The following SMC4 variants were observed in gnomAD, a reference collection of about 807,000 sequenced individuals.
SMC4 encodes the protein structural maintenance of chromosomes protein 4.
Under a neutral mutation model 145.6 loss-of-function variants are expected in SMC4, and 87 were observed. The ratio of observed to expected loss-of-function variants is 0.60; its 90% CI spans 0.50 to 0.71. The LOEUF (loss-of-function observed/expected upper bound fraction) is 0.71. Among genes scored for constraint, SMC4 ranks in the 30% least tolerant of loss-of-function variants. The probability of loss-of-function intolerance (pLI) is 0.00; values close to 1 mark genes in which losing one functional copy is unlikely to be tolerated. For synonymous variants in SMC4, 558 were observed against 500.7 expected (o/e 1.11, Z -1.53); for missense variants, 1,447 against 1,537.1 (o/e 0.94, Z 0.98).
rs144117230 is a variant in SMC4, at chr3:160,400,390, C to T, written c.-5-432C>T. 1,062 of 154,164 alleles carry T rather than the reference C, an allele frequency of 6.9e-3. 2 individuals carry two copies. The highest frequency in any genetic ancestry group is 0.012 in the Non-Finnish European group (864 of 69,134). 9.5% of individuals were successfully genotyped at this position (154,164 alleles called of 1,614,324 possible). A position where few individuals can be genotyped will look rare whatever the true frequency, so the allele number is the denominator to read the frequency against. On this transcript the variant is annotated intron_variant, in intron 1 of 23. Coordinates refer to ENST00000357388, the MANE Select transcript of SMC4 (RefSeq NM_001002800.3). ...AGTTGCTAGCCACGGGATCCTGACCCGGACACGAACTCGTTTCTCCACGTC... is the reference window on the plus strand; with the variant it reads ...AGTTGCTAGCCACGGGATCCTGACCTGGACACGAACTCGTTTCTCCACGTC...
chr3:160,412,826 T>A (rs1330051267), intron 7 of SMC4: 5 of 986,034 alleles, frequency 5.1e-6, no homozygotes, highest in Middle Eastern at 5.1e-4. Flanking sequence ...GTTGACTTTT[T>A]AGTATCCTGC....
intron 17 of SMC4, among the ~76,000 whole-genome samples, chr3:160,427,931 ACACACGCACG>A (rs910468382): frequency 1.3e-5 from 2 of 152,004 alleles, no homozygotes; most frequent in African/African-American, 4.8e-5. Context: ...TTTGAAAAAT[ACACACGCACG>A]CACACACACA....
chr3:160,411,174 T>A (rs1218902614), intron 5 of SMC4, among the ~76,000 whole-genome samples: 1 of 152,216 alleles, frequency 6.6e-6, no homozygotes. Flanking sequence ...TAATCTAAGA[T>A]TTTAATTACA....
rs768013803 is a variant in SMC4, at chr3:160,420,870, T to C, written c.1988T>C (p.Ile663Thr). The change falls in exon 13 of 24, where the codon ATT (isoleucine) becomes ACT (threonine). Residue 663 changes from isoleucine to threonine, a missense_variant. By Grantham distance (89) the Ile-to-Thr change is moderately conservative. Coordinates refer to ENST00000357388, the MANE Select transcript of SMC4 (RefSeq NM_001002800.3). ...GTAAACTTCCTTAAAAGACAAAATA[T>C]TGGAGTTGCAACCTTTATAGGTTTA... Reference protein sequence around the residue: ...ECVNFLKRQNIGVATFIGLDK... With the variant: ...ECVNFLKRQNTGVATFIGLDK... 9 of 1,613,130 alleles carry C rather than the reference T, an allele frequency of 5.6e-6. No individual in the cohort carries two copies. The highest frequency in any genetic ancestry group is 2.7e-5 in the African/African-American group (2 of 74,860).
chr3:160,405,605 GTATCATTC>G (rs1380297634), intron 5 of SMC4, among the ~76,000 whole-genome samples: 23 of 152,074 alleles, frequency 1.5e-4, no homozygotes, highest in South Asian at 6.2e-4. Flanking sequence ...AGGTAAATCA[GTATCATTC>G]TAGGATAACC....
chr3:160,419,418 G>C lies in SMC4; in HGVS notation c.1732G>C (p.Asp578His), dbSNP rs944480101. 1.9e-6 allele frequency: 3 copies of C among 1,612,022 alleles called. No individual in the cohort carries two copies. The Admixed American group carries it at 5.0e-5, about 27-fold the overall frequency. Residue 578 changes from aspartate to histidine, a missense_variant, in exon 12 of 24, where the codon GAT (aspartate) becomes CAT (histidine). Coordinates refer to ENST00000357388, the MANE Select transcript of SMC4 (RefSeq NM_001002800.3). The stretch of plus-strand genomic sequence containing the variant: ...AACAAACTTTAAAAGTTTGGTTCAT[G>C]ATCTCTTTCAAAAAGTTGAAGAAGC... Reference protein sequence around the residue: ...EETNFKSLVHDLFQKVEEAKS... With the variant: ...EETNFKSLVHHLFQKVEEAKS...
intron 5 of SMC4, 188 bp downstream of exon 5, chr3:160,404,692 C>T (rs760642448): frequency 1.3e-6 from 1 of 741,690 alleles, no homozygotes; most frequent in Admixed American, 1.7e-5. Context: ...TCATTCAAAA[C>T]TATGTTTTCA....
At position 160,404,440 on chromosome 3, in the gene SMC4, A is replaced by T; in HGVS notation, c.623A>T (p.Asp208Val). ...HISGKKKTFK[D>V]VGNLLRSHGI... ...AGTGGAAAGAAAAAGACATTTAAGGATGTTGGAAATCTTCTTCGAAGCCAT... is the reference window on the plus strand; with the variant it reads ...AGTGGAAAGAAAAAGACATTTAAGGTTGTTGGAAATCTTCTTCGAAGCCAT... The change falls in exon 5 of 24, where the codon GAT (aspartate) becomes GTT (valine). Residue 208 changes from aspartate to valine, a missense_variant. Transcript: ENST00000357388. 6.2e-7 allele frequency: 1 copy of T among 1,611,728 alleles called. No individual in the cohort carries two copies. The highest frequency in any genetic ancestry group is 8.5e-7 in the Non-Finnish European group (1 of 1,179,242).
At chr3:160,409,899 G>A (rs576075989) in intron 5 of SMC4, among the ~76,000 whole-genome samples, 2 of 152,146 alleles carry the variant, frequency 1.3e-5, no homozygotes, top group East Asian at 3.9e-4. Flanking sequence ...GGACCACCAT[G>A]TGTACAAAAA....
intron 8 of SMC4, chr3:160,414,065 G>A: frequency 1.2e-5 from 5 of 422,054 alleles, no homozygotes; most frequent in South Asian, 9.1e-5. Context: ...AAGTATATTC[G>A]TAAAAGGTAA....
rs542979274 is a variant in SMC4 at position 160,434,425 on chromosome 3, A to C, written c.*616A>C. 1 of 152,168 alleles carries C rather than the reference A, an allele frequency of 6.6e-6. No homozygotes were observed. Among genetic ancestry groups the C allele is most frequent in the Non-Finnish European group, 1.5e-5 (1 of 68,046 alleles). 9.4% of individuals were successfully genotyped at this position (152,168 alleles called of 1,614,324 possible). A position where few individuals can be genotyped will look rare whatever the true frequency, so the allele number is the denominator to read the frequency against. On this transcript the variant is annotated 3_prime_UTR_variant, in exon 24 of 24. Coordinates refer to ENST00000357388, the MANE Select transcript of SMC4 (RefSeq NM_001002800.3). ...CTCGTAAGTTGAAAAATATCCCACT[A>C]TAGTTGCTTCATGAGTATGAAGTAA...
rs942657944 is a variant in SMC4 at position 160,414,508 on chromosome 3, T to C, written c.1263T>C (p.Asp421=). ...AACTGGAGAAACAACTTCAAAAAGATAAAGAAAAGGTAGGTGTTAGAAAAA... is the reference window on the plus strand; with the variant it reads ...AACTGGAGAAACAACTTCAAAAAGACAAAGAAAAGGTAGGTGTTAGAAAAA... The part of the protein sequence containing the change: ...AKKLEKQLQK[D]KEKVEEFKSI... Residue 421 remains aspartate, a synonymous_variant, in exon 9 of 24, where the codon GAT becomes GAC. Coordinates refer to ENST00000357388, the MANE Select transcript of SMC4 (RefSeq NM_001002800.3). 1.2e-6 allele frequency: 2 copies of C among 1,610,428 alleles called. No homozygotes were observed. The highest frequency in any genetic ancestry group is 1.7e-6 in the Non-Finnish European group (2 of 1,178,938).
intron 18 of SMC4, 54 bp downstream of exon 18, chr3:160,428,996 G>A: frequency 7.3e-7 from 1 of 1,377,840 alleles, no homozygotes; most frequent in South Asian, 1.4e-5. Flanking sequence ...CTTCACATTG[G>A]AAAGGGGGTT....
chr3:160,403,857 A>G (rs1237099833), intron 4 of SMC4: 1 of 152,292 alleles, frequency 6.6e-6, no homozygotes, highest in East Asian at 1.9e-4. Context: ...GATTCTTTTT[A>G]CTTTAAATTA....
chr3:160,401,080 G>A, intron 2 of SMC4, 115 bp downstream of exon 2: 1 of 1,278,776 alleles, frequency 7.8e-7, no homozygotes, highest in Non-Finnish European at 1.0e-6. Context: ...TGAAGGTCCG[G>A]TGTCGGTCCG....
chr3:160,413,837 T>C lies in SMC4; in HGVS notation c.1121+224T>C, dbSNP rs185399334. On this transcript the variant is annotated intron_variant, in intron 8 of 23. Transcript: ENST00000357388. ...GAACCGTGGGGATGCTACCCCCTAG[T>C]GGCGTAGCACAGTAACAAACAATAA... is the stretch of plus-strand genomic sequence containing the variant. The C allele has an allele frequency of 1.9e-3, 663 of 354,884 alleles. 5 individuals are homozygous for C. The highest frequency in any genetic ancestry group is 0.014 in the African/African-American group (618 of 45,690). 22.0% of individuals were successfully genotyped at this position (354,884 alleles called of 1,614,324 possible).
Position 160,417,856 on chromosome 3 carries a change from A to T in SMC4, c.1571A>T (p.Lys524Met). Residue 524 changes from lysine (K) to methionine (M), a missense_variant, in exon 11 of 24, where the codon AAG (lysine) becomes ATG (methionine). Lys to Met is a moderately conservative substitution (Grantham distance 95, BLOSUM62 -1). Transcript: ENST00000357388. ...NTAVSQLTKA[K>M]EALIAASETL... ...GCAGTGTCTCAATTAACTAAGGCTA[A>T]GGAAGCTCTAATTGCAGCTTCTGAG... The T allele has an allele frequency of 6.2e-7, 1 of 1,613,792 alleles. No individual in the cohort carries two copies. Among genetic ancestry groups the T allele is most frequent in the Non-Finnish European group, 8.5e-7 (1 of 1,179,810 alleles).
intron 19 of SMC4, 58 bp from the exon 20 acceptor site, chr3:160,430,974 T>C (rs966462165): frequency 4.0e-6 from 6 of 1,509,728 alleles, no homozygotes; most frequent in Non-Finnish European, 5.4e-6. Context: ...ATCTCTGTAA[T>C]GTGAAAATGA....
chr3:160,429,769 T>C (rs1271195155), intron 18 of SMC4, among the ~76,000 whole-genome samples: 1 of 149,534 alleles, frequency 6.7e-6, no homozygotes, highest in Non-Finnish European at 1.5e-5. Flanking sequence ...CAGGCTGGAG[T>C]ACAGTGGCGC....
Sources: gnomAD v4.1 joint callset for allele counts (sites outside exome capture counted in the v4.1 genomes callset) on GRCh38, gnomAD v4.1.1 for gene constraint, MANE v1.5 for transcripts, NCBI Gene and HGNC (gene_info 2026-07-23, HGNC 2026-07-21) for gene names.